ADAMTSL1: variants seen among roughly 807,000 people sequenced by gnomAD.
The protein encoded by ADAMTSL1 is ADAMTS-like protein 1.
In ADAMTSL1, 126 loss-of-function variants were observed where a neutral mutation model predicts 201.8. The ratio of observed to expected loss-of-function variants is 0.62; its 90% CI spans 0.54 to 0.72. The LOEUF (loss-of-function observed/expected upper bound fraction) is 0.72. ADAMTSL1 is among the 30% of genes least tolerant of loss of function. The pLI is 0.00. For missense variants in ADAMTSL1, 2,679 were observed against 2,277.8 expected, an observed-to-expected ratio of 1.18 and a Z score of -3.59; for synonymous variants, 1,121 against 903.4, an observed-to-expected ratio of 1.24 and a Z score of -4.32.
At chr9:18,570,821 A>G (rs1332744019) in intron 3 of ADAMTSL1, among the ~76,000 whole-genome samples, 1 of 152,250 alleles carries the variant, frequency 6.6e-6, no homozygotes, top group Non-Finnish European at 1.5e-5. Flanking sequence ...GAAAGACAGT[A>G]GTGATAAAAC....
chr9:18,550,457 G>A (rs1004802579), intron 3 of ADAMTSL1, among the ~76,000 whole-genome samples: 1 of 151,916 alleles, frequency 6.6e-6, no homozygotes, highest in Non-Finnish European at 1.5e-5. Context: ...GATGGAGGGG[G>A]CCGTGGCAAG....
intron 2 of ADAMTSL1, among the ~76,000 whole-genome samples, chr9:18,359,298 C>G (rs1274761842): frequency 6.6e-6 from 1 of 152,012 alleles, no homozygotes; most frequent in Non-Finnish European, 1.5e-5. Flanking sequence ...TTCTTCTGCC[C>G]CCATCTTTTC....
At chr9:18,573,954 C>A (rs952569787) in intron 3 of ADAMTSL1, 76 bp from the exon 4 acceptor site, 4 of 1,179,130 alleles carry the variant, frequency 3.4e-6, no homozygotes, top group Non-Finnish European at 4.9e-6. Context: ...CCTAAGCAGA[C>A]CATATAGCTG....
chr9:18,621,350 G>C (rs980801808), intron 4 of ADAMTSL1, among the ~76,000 whole-genome samples: 1 of 152,102 alleles, frequency 6.6e-6, no homozygotes, highest in South Asian at 2.1e-4. Flanking sequence ...TGTTTCACGA[G>C]GAGTCTTTAG....
rs147213126 is a variant in ADAMTSL1, at chr9:18,268,207, G to A, written c.207+104226G>A. On this transcript the variant is annotated intron_variant, in intron 2 of 29. Coordinates refer to the ADAMTSL1 transcript ENST00000680146. ...TGTTTATTCTGATATCTCTATTTTG[G>A]CTTGTTTTCTATCATCTATATCAAA... is the stretch of plus-strand genomic sequence containing the variant. Among the ~76,000 whole-genome samples, 445 of 152,096 alleles carry A rather than the reference G, an allele frequency of 2.9e-3. 4 individuals are homozygous for A. Among genetic ancestry groups the A allele is most frequent in the African/African-American group, 0.01 (427 of 41,500 alleles).
chr9:18,052,312 G>GAGCTACTAA (rs1335196372), intron 1 of ADAMTSL1, among the ~76,000 whole-genome samples: 37 of 152,342 alleles, frequency 2.4e-4, no homozygotes, highest in African/African-American at 8.7e-4. Context: ...GTGAAAGAAT[G>GAGCTACTAA]AGCTACTAAG....
At chr9:18,041,621 T>C (rs1011617831) in intron 1 of ADAMTSL1, among the ~76,000 whole-genome samples, 1 of 152,170 alleles carries the variant, frequency 6.6e-6, no homozygotes, top group East Asian at 1.9e-4. Context: ...AATTAAGAAC[T>C]CTATGGAGCA....
At chr9:18,661,059 T>G (rs1165199534) in intron 8 of ADAMTSL1, among the ~76,000 whole-genome samples, 1 of 152,154 alleles carries the variant, frequency 6.6e-6, no homozygotes, top group Non-Finnish European at 1.5e-5. Context: ...TTTTTAAAAT[T>G]CTCTATGCAC....
At chr9:18,307,635 G>T (rs2132767013) in intron 2 of ADAMTSL1, among the ~76,000 whole-genome samples, 1 of 152,186 alleles carries the variant, frequency 6.6e-6, no homozygotes, top group East Asian at 1.9e-4. Context: ...AATTCAACAA[G>T]AAGAGCTAAC....
chr9:18,689,776 G>A (rs547113255), intron 13 of ADAMTSL1, among the ~76,000 whole-genome samples: 21 of 152,236 alleles, frequency 1.4e-4, no homozygotes, highest in Non-Finnish European at 2.9e-4. Flanking sequence ...TTGTTAAATA[G>A]CTGGCATTCG....
intron 3 of ADAMTSL1, among the ~76,000 whole-genome samples, chr9:18,567,040 C>A (rs191924522): frequency 2.0e-5 from 3 of 152,262 alleles, no homozygotes; most frequent in Non-Finnish European, 4.4e-5. Flanking sequence ...GTTTGAAATG[C>A]AAATTATTAA....
chr9:18,418,936 C>T (rs73643276), intron 2 of ADAMTSL1, among the ~76,000 whole-genome samples: 2,826 of 152,260 alleles, frequency 0.019, 90 homozygotes, highest in African/African-American at 0.065. Context: ...AGTTTTAATA[C>T]TTACTATAAA....
chr9:18,894,759 T>G (rs981771417), intron 26 of ADAMTSL1, among the ~76,000 whole-genome samples: 1 of 152,184 alleles, frequency 6.6e-6, no homozygotes, highest in African/African-American at 2.4e-5. Flanking sequence ...CACTATCAAT[T>G]TGAAAGTCAT....
rs551974768 is a variant in ADAMTSL1 at position 18,064,570 on chromosome 9, T to C, written c.88-99292T>C. ...ACAGATTGATTTGGGTATAAGGTGT[T>C]TGAGAGCAGAACTTCTCTCTCCTTT... On this transcript the variant is annotated intron_variant, in intron 1 of 29. Transcript: ENST00000680146. 6.6e-5 allele frequency among the ~76,000 whole-genome samples: 10 copies of C among 152,300 alleles called. 1 individual carries two copies. The highest frequency in any genetic ancestry group is 2.4e-4 in the African/African-American group (10 of 41,574).
Position 18,695,628 on chromosome 9 carries a change from C to G in ADAMTSL1, c.1574+10828C>G, listed in dbSNP as rs113663634. ...CCTGAGGTGCCTGAGACCACCTCCC[C>G]CTGGACTTCATTGTCCATATCACTA... On this transcript the variant is annotated intron_variant, in intron 13 of 28. Transcript: ENST00000380548. Among the ~76,000 whole-genome samples the G allele has an allele frequency of 3.6e-3, 544 of 152,302 alleles. 4 individuals are homozygous for G. The highest frequency in any genetic ancestry group is 5.5e-3 in the Non-Finnish European group (373 of 68,020).
intron 19 of ADAMTSL1, among the ~76,000 whole-genome samples, chr9:18,794,733 A>C (rs1225622925): frequency 6.6e-6 from 1 of 151,856 alleles, no homozygotes; most frequent in East Asian, 1.9e-4. Context: ...CCCCACGTTC[A>C]AGTGATTCTC....
intron 2 of ADAMTSL1, among the ~76,000 whole-genome samples, chr9:18,336,741 C>T (rs1453602406): frequency 3.3e-5 from 5 of 152,110 alleles, no homozygotes; most frequent in African/African-American, 1.2e-4. Flanking sequence ...CACTGTTTGA[C>T]AGTACATGCA....
Position 18,458,926 on chromosome 9 carries a change from A to C in ADAMTSL1, c.208-45903A>C, listed in dbSNP as rs190472467. On this transcript the variant is annotated intron_variant, in intron 2 of 29. Transcript: ENST00000680146. ...AGAGCAAAAGTCCTGTTCCCTTATCAACAGTATTTTAAAAAACAGTATTTG... is the reference window on the plus strand; with the variant it reads ...AGAGCAAAAGTCCTGTTCCCTTATCCACAGTATTTTAAAAAACAGTATTTG... Among the ~76,000 whole-genome samples, 234 of 152,310 alleles carry C rather than the reference A, an allele frequency of 1.5e-3. 3 individuals carry two copies. Among genetic ancestry groups the C allele is most frequent in the Middle Eastern group, 0.01 (3 of 294 alleles).
At chr9:18,773,459 C>T (rs752715291) in intron 17 of ADAMTSL1, among the ~76,000 whole-genome samples, 3 of 152,082 alleles carry the variant, frequency 2.0e-5, no homozygotes. Context: ...GATCCTATAG[C>T]CTAATTACTT....
Sources: gnomAD v4.1 joint callset for allele counts (sites outside exome capture counted in the v4.1 genomes callset) on GRCh38, gnomAD v4.1.1 for gene constraint, MANE v1.5 for transcripts, NCBI Gene and HGNC (gene_info 2026-07-23, HGNC 2026-07-21) for gene names.